Variants in ZYG11B observed in about 807,000 individuals in gnomAD.
ZYG11B encodes the protein protein zyg-11 homolog B.
Under a neutral mutation model 82.4 loss-of-function variants are expected in ZYG11B, and 36 were observed. The observed-to-expected ratio is 0.44, with a 90% CI of 0.33 to 0.58. The LOEUF is 0.58. Ranked by LOEUF, ZYG11B falls within the 20% of genes least tolerant of loss-of-function variation. ZYG11B has a pLI of 0.02. For synonymous variants in ZYG11B, 303 were observed against 312.8 expected (o/e 0.97, Z 0.33); for missense variants, 552 against 895.6 (o/e 0.62, Z 4.90).
At chr1:52,764,446 A>G (rs1334815190) in intron 2 of ZYG11B, among the ~76,000 whole-genome samples, 1 of 151,964 alleles carries the variant, frequency 6.6e-6, no homozygotes, top group Non-Finnish European at 1.5e-5. Flanking sequence ...AGATTTTTTT[A>G]AAATAAGAAA....
chr1:52,760,486 T>C (rs1473182225), intron 2 of ZYG11B, among the ~76,000 whole-genome samples: 1 of 152,098 alleles, frequency 6.6e-6, no homozygotes, highest in Non-Finnish European at 1.5e-5. Flanking sequence ...ACTGGTAATA[T>C]CATACTGTTT....
chr1:52,739,329 A>T (rs1406697573), intron 1 of ZYG11B, among the ~76,000 whole-genome samples: 1 of 152,102 alleles, frequency 6.6e-6, no homozygotes, highest in Non-Finnish European at 1.5e-5. Context: ...TTAACTCTCT[A>T]TGCCTCCATT....
At chr1:52,772,297 A>G (rs1644759770) in intron 3 of ZYG11B, 8 of 1,359,718 alleles carry the variant, frequency 5.9e-6, no homozygotes, top group South Asian at 1.2e-5. Context: ...CTGGCTCTCT[A>G]TCAGAATCAG....
chr1:52,742,580 C>T (rs1558117888), intron 1 of ZYG11B, among the ~76,000 whole-genome samples: 2 of 152,140 alleles, frequency 1.3e-5, no homozygotes, highest in South Asian at 4.1e-4. Context: ...CGGTGGCTCA[C>T]GCCTGTAATC....
intron 1 of ZYG11B, among the ~76,000 whole-genome samples, chr1:52,729,024 C>T (rs1571734240): frequency 6.6e-6 from 1 of 152,256 alleles, no homozygotes; most frequent in East Asian, 1.9e-4. Flanking sequence ...TAACAAAATA[C>T]CATAAACTAG....
At chr1:52,755,442 A>G (rs984368878) in intron 1 of ZYG11B, among the ~76,000 whole-genome samples, 5 of 151,924 alleles carry the variant, frequency 3.3e-5, no homozygotes, top group African/African-American at 7.3e-5. Context: ...TTTCTTTTCC[A>G]AGATCGTTTT....
At chr1:52,807,037 T>C (rs1645146739) in intron 10 of ZYG11B, among the ~76,000 whole-genome samples, 1 of 151,134 alleles carries the variant, frequency 6.6e-6, no homozygotes, top group African/African-American at 2.4e-5. Flanking sequence ...TCCGGCAAAT[T>C]TTTGTATTTT....
intron 1 of ZYG11B, among the ~76,000 whole-genome samples, chr1:52,748,422 A>T (rs929851218): frequency 6.6e-6 from 1 of 152,266 alleles, no homozygotes; most frequent in Admixed American, 6.5e-5. Context: ...TATGAAGTAC[A>T]TAGGTGGCTG....
intron 2 of ZYG11B, among the ~76,000 whole-genome samples, chr1:52,763,688 C>G (rs1182637808): frequency 6.6e-6 from 1 of 152,144 alleles, no homozygotes; most frequent in Non-Finnish European, 1.5e-5. Flanking sequence ...ATTCTCTTGT[C>G]ATAATCTTTT....
At chr1:52,742,381 A>G (rs1644437579) in intron 1 of ZYG11B, among the ~76,000 whole-genome samples, 1 of 151,900 alleles carries the variant, frequency 6.6e-6, no homozygotes, top group Non-Finnish European at 1.5e-5. Context: ...GAGCCTGGGA[A>G]GTCGAGGCTG....
intron 13 of ZYG11B, among the ~76,000 whole-genome samples, chr1:52,817,131 G>T (rs1645231932): frequency 6.6e-6 from 1 of 151,966 alleles, no homozygotes; most frequent in Admixed American, 6.6e-5. Context: ...GAATGAGCAT[G>T]GTGTAACTAG....
chr1:52,809,232 C>G (rs1211714952), intron 10 of ZYG11B, among the ~76,000 whole-genome samples: 1 of 152,130 alleles, frequency 6.6e-6, no homozygotes, highest in African/African-American at 2.4e-5. Context: ...GTATTAAATA[C>G]TTTTATAATG....
chr1:52,772,618 G>A, intron 3 of ZYG11B: 3 of 1,171,150 alleles, frequency 2.6e-6, no homozygotes. Context: ...GACTGGGACA[G>A]GCCCTTCTCA....
chr1:52,820,608 A>T (rs1487691047), intron 13 of ZYG11B, among the ~76,000 whole-genome samples: 1 of 150,516 alleles, frequency 6.6e-6, no homozygotes, highest in Non-Finnish European at 1.5e-5. Context: ...AAATTGTGCC[A>T]TTGGACTCCA....
At chr1:52,806,580 C>T (rs1299360463) in intron 10 of ZYG11B, among the ~76,000 whole-genome samples, 1 of 152,152 alleles carries the variant, frequency 6.6e-6, no homozygotes, top group Non-Finnish European at 1.5e-5. Flanking sequence ...TTCTTTACCC[C>T]TGCTAATATC....
chr1:52,792,615 C>T (rs1644969142), intron 6 of ZYG11B, among the ~76,000 whole-genome samples: 1 of 152,106 alleles, frequency 6.6e-6, no homozygotes, highest in East Asian at 1.9e-4. Flanking sequence ...ACTCCAGGGC[C>T]TCCATTTTTT....
chr1:52,815,855 A>G (rs566099187), intron 12 of ZYG11B, among the ~76,000 whole-genome samples: 3 of 152,196 alleles, frequency 2.0e-5, no homozygotes, highest in African/African-American at 7.2e-5. Flanking sequence ...GAATGCCGTG[A>G]ACCCAGGAGG....
intron 5 of ZYG11B, among the ~76,000 whole-genome samples, chr1:52,786,307 G>A (rs1010058483): frequency 6.6e-6 from 1 of 152,170 alleles, no homozygotes; most frequent in South Asian, 2.1e-4. Context: ...TCCTTCTGGG[G>A]TGATGGAAAT....
chr1:52,783,896 G>GTGTGTGTATGTACATACATA (rs1644885737), intron 4 of ZYG11B, among the ~76,000 whole-genome samples: 1 of 95,054 alleles, frequency 1.1e-5, no homozygotes, highest in African/African-American at 1.1e-4. Flanking sequence ...GTACATACAC[G>GTGTGTGTATGTACATACATA]TGTGTGTATA....
Sources: gnomAD v4.1 joint callset for allele counts (sites outside exome capture counted in the v4.1 genomes callset) on GRCh38, gnomAD v4.1.1 for gene constraint, MANE v1.5 for transcripts, NCBI Gene and HGNC (gene_info 2026-07-23, HGNC 2026-07-21) for gene names.